The following CPAMD8 variants were observed in gnomAD, a reference collection of about 807,000 sequenced individuals.
CPAMD8 encodes C3 and PZP like alpha-2-macroglobulin domain containing 8.
A neutral mutation model predicts 224.7 loss-of-function variants in CPAMD8; 146 were observed. The ratio of observed to expected loss-of-function variants is 0.65; its 90% CI spans 0.57 to 0.75. The LOEUF is 0.75. Ranked by LOEUF, CPAMD8 falls within the 30% of genes least tolerant of loss-of-function variation. CPAMD8 has a pLI of 0.00. For synonymous variants in CPAMD8, 966 were observed against 1,044.6 expected, an observed-to-expected ratio of 0.92 and a Z score of 1.45; for missense variants, 2,301 against 2,537.5, an observed-to-expected ratio of 0.91 and a Z score of 2.00.
chr19:17,013,953 TTCC>T (rs1387966569), intron 3 of CPAMD8, among the ~76,000 whole-genome samples: 1 of 144,946 alleles, frequency 6.9e-6, no homozygotes, highest in Non-Finnish European at 1.5e-5. Context: ...TCTCCCTCCC[TTCC>T]TTTCTTTCTT....
At chr19:16,975,380 G>A in intron 16 of CPAMD8, 122 bp from the exon 17 acceptor site, 2 of 737,508 alleles carry the variant, frequency 2.7e-6, no homozygotes, top group East Asian at 5.4e-5. Flanking sequence ...ACCTCCAGGA[G>A]ATGGGCACTG....
At chr19:16,974,520 G>A (rs957818860) in intron 17 of CPAMD8, among the ~76,000 whole-genome samples, 19 of 151,750 alleles carry the variant, frequency 1.3e-4, no homozygotes, top group Non-Finnish European at 2.1e-4. Flanking sequence ...GGTTTTCCTC[G>A]CAGCAAAGCA....
At chr19:17,026,496 C>A (rs552805016) in intron 1 of CPAMD8, 55 bp downstream of exon 1, 981 of 1,442,490 alleles carry the variant, frequency 6.8e-4, no homozygotes, top group South Asian at 4.0e-3. Flanking sequence ...AGCCAGTACC[C>A]GCGACCCCCA....
chr19:16,969,898 A>G (rs2054991677), intron 18 of CPAMD8, among the ~76,000 whole-genome samples: 1 of 146,162 alleles, frequency 6.8e-6, no homozygotes, highest in Non-Finnish European at 1.5e-5. Flanking sequence ...AACAAAAACA[A>G]CGAAAAACTT....
chr19:16,977,447 AGCAG>A lies in CPAMD8; in HGVS notation c.1675_1678del (p.Leu559TrpfsTer30). 1 of 1,612,356 alleles carries A rather than the reference AGCAG, an allele frequency of 6.2e-7. No homozygotes were observed. Among genetic ancestry groups the A allele is most frequent in the Non-Finnish European group, 8.5e-7 (1 of 1,178,802 alleles). On this transcript the variant is annotated frameshift_variant, in exon 15 of 42. Transcript: ENST00000443236. LOFTEE classifies it high-confidence loss of function. Reference sequence around the variant, plus strand: ...TCCATTCTCCCTGACGTAGAAGACCAGCAGGCGACCAAGGGGGACCATGCTGGGG... The same window carrying A: ...TCCATTCTCCCTGACGTAGAAGACCAGCGACCAAGGGGGACCATGCTGGGG...
chr19:16,915,462 C>A (rs2052914230), intron 27 of CPAMD8, among the ~76,000 whole-genome samples: 1 of 152,186 alleles, frequency 6.6e-6, no homozygotes, highest in Non-Finnish European at 1.5e-5. Context: ...AGCACCTCCC[C>A]AGCCCTGCAG....
At chr19:16,982,651 A>T (rs1429971641) in intron 13 of CPAMD8, among the ~76,000 whole-genome samples, 1 of 152,022 alleles carries the variant, frequency 6.6e-6, no homozygotes, top group Non-Finnish European at 1.5e-5. Context: ...CCTGAACAAC[A>T]TGGCAAAACT....
chr19:17,002,806 T>A (rs2056370804), intron 8 of CPAMD8, among the ~76,000 whole-genome samples: 1 of 152,068 alleles, frequency 6.6e-6, no homozygotes, highest in Non-Finnish European at 1.5e-5. Flanking sequence ...GGGGCGGAGG[T>A]GACACCCTGG....
chr19:16,906,346 CTTTCTTTCTT>C (rs1311182424), intron 30 of CPAMD8, among the ~76,000 whole-genome samples: 2 of 25,298 alleles, frequency 7.9e-5, no homozygotes, highest in South Asian at 2.5e-3. Flanking sequence ...CCCTTTCTTT[CTTTCTTTCTT>C]TCTTTCTTTC....
intron 3 of CPAMD8, among the ~76,000 whole-genome samples, chr19:17,014,266 C>T (rs1018162845): frequency 6.6e-6 from 1 of 151,556 alleles, no homozygotes; most frequent in Non-Finnish European, 1.5e-5. Flanking sequence ...ACTATGTTGC[C>T]CAGGCTGGGC....
chr19:16,942,989 ACTTTTTTCTTTTTT>A (rs1331312930), intron 22 of CPAMD8, among the ~76,000 whole-genome samples: 1 of 144,702 alleles, frequency 6.9e-6, no homozygotes, highest in South Asian at 2.1e-4. Flanking sequence ...TTTGTGTTTG[ACTTTTTTCTTTTTT>A]CTTTTTTCTT....
At chr19:16,997,072 G>A (rs1385029998) in intron 11 of CPAMD8, 39 bp downstream of exon 11, 2 of 1,319,890 alleles carry the variant, frequency 1.5e-6, no homozygotes, top group Admixed American at 1.7e-5. Context: ...TTTCACGGTG[G>A]TCCTTGGGCG....
rs564180459 is a variant in CPAMD8 at position 16,967,908 on chromosome 19, T to C, written c.2213+2983A>G. Among the ~76,000 whole-genome samples, 276 of 146,412 alleles carry C rather than the reference T, an allele frequency of 1.9e-3. 5 individuals are homozygous for C. The highest frequency in any genetic ancestry group is 3.9e-3 in the East Asian group (19 of 4,814). On this transcript the variant is annotated intron_variant, in intron 18 of 41. Coordinates refer to ENST00000443236, the MANE Select transcript of CPAMD8 (RefSeq NM_015692.5). ...ACACACACATGTGTGTGTATATATGTGCATATATACACACACATGTGTGTA... is the reference window on the plus strand; with the variant it reads ...ACACACACATGTGTGTGTATATATGCGCATATATACACACACATGTGTGTA...
intron 14 of CPAMD8, among the ~76,000 whole-genome samples, chr19:16,979,458 C>T (rs200198412): frequency 7.8e-4 from 52 of 66,922 alleles, no homozygotes; most frequent in South Asian, 2.9e-3. Context: ...ATCCACCCAT[C>T]CATCTGTCCA....
chr19:16,998,165 G>A (rs186854577), intron 10 of CPAMD8, among the ~76,000 whole-genome samples: 5 of 152,220 alleles, frequency 3.3e-5, no homozygotes, highest in Admixed American at 3.3e-4. Context: ...AAGCCTCAGA[G>A]AGCAGAGAGA....
At chr19:16,901,360 C>T in intron 35 of CPAMD8, 63 bp from the exon 36 acceptor site, 1 of 1,117,122 alleles carries the variant, frequency 9.0e-7, no homozygotes. Context: ...AATTCAAGGT[C>T]CCCTCTCCCC....
intron 23 of CPAMD8, among the ~76,000 whole-genome samples, chr19:16,936,631 T>C (rs1223371644): frequency 3.3e-5 from 5 of 152,118 alleles, no homozygotes; most frequent in Admixed American, 1.3e-4. Flanking sequence ...GGTCTCGAAC[T>C]CTTGACCTCA....
chr19:16,920,341 G>A (rs1011286367), intron 27 of CPAMD8, among the ~76,000 whole-genome samples: 5 of 152,114 alleles, frequency 3.3e-5, no homozygotes, highest in South Asian at 2.1e-4. Flanking sequence ...GTAGCCAGGC[G>A]TGGTGGCGGG....
At chr19:16,974,014 G>A (rs1209986833) in intron 17 of CPAMD8, among the ~76,000 whole-genome samples, 2 of 151,598 alleles carry the variant, frequency 1.3e-5, no homozygotes, top group Admixed American at 1.3e-4. Flanking sequence ...GTTTTTAGTA[G>A]AGAGGGGGTT....
Sources: gnomAD v4.1 joint callset for allele counts (sites outside exome capture counted in the v4.1 genomes callset) on GRCh38, gnomAD v4.1.1 for gene constraint, MANE v1.5 for transcripts, NCBI Gene and HGNC (gene_info 2026-07-23, HGNC 2026-07-21) for gene names.